RMDN2: variants seen among roughly 807,000 people sequenced by gnomAD.
RMDN2 encodes regulator of microtubule dynamics 2.
Under a neutral mutation model 52.8 loss-of-function variants are expected in RMDN2, and 61 were observed. That is an observed-to-expected ratio of 1.16 (90% CI 0.94 to 1.43). The LOEUF (loss-of-function observed/expected upper bound fraction) is 1.43. Among genes scored for constraint, RMDN2 ranks in the 40% most tolerant of loss-of-function variants. The pLI is 0.00. For synonymous variants in RMDN2, 180 were observed against 153.1 expected, an observed-to-expected ratio of 1.18 and a Z score of -1.30; for missense variants, 592 against 475.3, an observed-to-expected ratio of 1.25 and a Z score of -2.28.
At chr2:38,002,608 A>G (rs1676470263) in intron 8 of RMDN2, among the ~76,000 whole-genome samples, 2 of 152,198 alleles carry the variant, frequency 1.3e-5, no homozygotes, top group African/African-American at 4.8e-5. Flanking sequence ...ATATATGTAA[A>G]ATGGTTCCAT....
At chr2:37,953,354 C>A (rs1450947159) in intron 2 of RMDN2, among the ~76,000 whole-genome samples, 1 of 152,018 alleles carries the variant, frequency 6.6e-6, no homozygotes, top group South Asian at 2.1e-4. Context: ...TCTCTACTCT[C>A]TCTCCCTAGC....
At position 37,996,048 on chromosome 2, in the gene RMDN2, C is replaced by G. The variant is rs886364179; in HGVS notation, c.946-1368C>G. 7.9e-5 allele frequency among the ~76,000 whole-genome samples: 12 copies of G among 152,114 alleles called. 1 individual carries two copies. In the South Asian group the frequency reaches 2.3e-3, roughly 29 times the overall value. ...TTGCCTGCCATGTGATCGTGCCTAC[C>G]CTACAGAGACTCACAAATGTGCTCC... On this transcript the variant is annotated intron_variant, in intron 7 of 10. Coordinates refer to ENST00000354545, the MANE Select transcript of RMDN2 (RefSeq NM_001170791.3).
intron 10 of RMDN2, among the ~76,000 whole-genome samples, chr2:38,029,105 A>G (rs975861048): frequency 1.8e-4 from 28 of 152,152 alleles, no homozygotes; most frequent in Non-Finnish European, 7.3e-5. Flanking sequence ...GGCCTACAGT[A>G]TAAAGGCTGA....
chr2:38,065,923 G>A (rs1470073550), intron 10 of RMDN2, among the ~76,000 whole-genome samples: 1 of 152,200 alleles, frequency 6.6e-6, no homozygotes, highest in Admixed American at 6.5e-5. Flanking sequence ...CTGCCTGTCT[G>A]TAGTGTGGAA....
intron 5 of RMDN2, among the ~76,000 whole-genome samples, chr2:37,982,821 A>G (rs1476804666): frequency 1.3e-5 from 2 of 152,294 alleles, no homozygotes; most frequent in East Asian, 3.9e-4. Context: ...AATCTAATTT[A>G]CATAATAACA....
intron 10 of RMDN2, among the ~76,000 whole-genome samples, chr2:38,063,974 TTGTGTGTGTGTATG>T (rs1558597743): frequency 6.6e-6 from 1 of 150,970 alleles, no homozygotes; most frequent in Non-Finnish European, 1.5e-5. Flanking sequence ...TGAATCCTGT[TTGTGTGTGTGTATG>T]TGTGTGTGTG....
At chr2:37,948,446 G>C (rs985782955) in intron 2 of RMDN2, among the ~76,000 whole-genome samples, 2 of 152,130 alleles carry the variant, frequency 1.3e-5, no homozygotes, top group African/African-American at 4.8e-5. Context: ...AAGGAGGAGG[G>C]TTGGGTGGCC....
At chr2:37,959,570 TC>T (rs2125006740) in intron 2 of RMDN2, among the ~76,000 whole-genome samples, 1 of 151,046 alleles carries the variant, frequency 6.6e-6, no homozygotes, top group Non-Finnish European at 1.5e-5. Flanking sequence ...TGGCTAGCGA[TC>T]TATTTTGTTG....
At position 37,962,912 on chromosome 2, in the gene RMDN2, T is replaced by C. The variant is rs76656220; in HGVS notation, c.453-11128T>C. Among the ~76,000 whole-genome samples the C allele has an allele frequency of 9.2e-4, 140 of 152,280 alleles. 2 individuals are homozygous for C. The East Asian group carries it at 0.023, about 25-fold the overall frequency. On this transcript the variant is annotated intron_variant, in intron 2 of 10. Coordinates refer to ENST00000354545, the MANE Select transcript of RMDN2 (RefSeq NM_001170791.3). ...AGCATCTGGGCTAGATAGCACAGTC[T>C]CTCATGGCACAGTCCCTCATGGCTT... is the stretch of plus-strand genomic sequence containing the variant.
chr2:37,935,567 G>A (rs1667216993), intron 2 of RMDN2, among the ~76,000 whole-genome samples: 1 of 152,162 alleles, frequency 6.6e-6, no homozygotes, highest in African/African-American at 2.4e-5. Flanking sequence ...TATAATTGAA[G>A]TACCCTCTCT....
intron 2 of RMDN2, chr2:37,951,272 A>C (rs750276462): frequency 9.3e-6 from 15 of 1,604,840 alleles, no homozygotes; most frequent in Non-Finnish European, 6.8e-6. Context: ...GATGTTCTCC[A>C]GAAGATCAAG....
intron 2 of RMDN2, among the ~76,000 whole-genome samples, chr2:37,966,808 C>G (rs1671115820): frequency 6.6e-6 from 1 of 152,078 alleles, no homozygotes; most frequent in African/African-American, 2.4e-5. Flanking sequence ...TGGTTTCACA[C>G]TTTTTTGCAC....
intron 4 of RMDN2, among the ~76,000 whole-genome samples, chr2:37,976,838 C>CTT (rs891262560): frequency 2.8e-5 from 4 of 144,584 alleles, no homozygotes; most frequent in African/African-American, 1.0e-4. Flanking sequence ...ACATTTTTTT[C>CTT]TTTTTTTTTT....
chr2:37,990,866 T>C (rs1327838537), intron 6 of RMDN2, among the ~76,000 whole-genome samples: 1 of 152,196 alleles, frequency 6.6e-6, no homozygotes, highest in Non-Finnish European at 1.5e-5. Flanking sequence ...TCTGCCATTA[T>C]CCCCTATTCC....
chr2:38,009,094 C>T (rs1393150974), intron 10 of RMDN2, among the ~76,000 whole-genome samples: 3 of 152,202 alleles, frequency 2.0e-5, no homozygotes, highest in Admixed American at 1.3e-4. Context: ...TGATGGGCTT[C>T]CCTTTATGGG....
At chr2:37,951,176 A>T (rs1295772128) in intron 2 of RMDN2, 151 of 1,479,800 alleles carry the variant, frequency 1.0e-4, no homozygotes, top group Middle Eastern at 2.0e-4. Flanking sequence ...GAGGCTTGGC[A>T]GGTCTCCACT....
intron 10 of RMDN2, among the ~76,000 whole-genome samples, chr2:38,007,150 A>G (rs1201887788): frequency 1.3e-5 from 2 of 152,204 alleles, no homozygotes; most frequent in Non-Finnish European, 2.9e-5. Flanking sequence ...CATCAGGGAT[A>G]TTAGTCTAAA....
At chr2:37,941,175 T>C (rs796927499) in intron 2 of RMDN2, among the ~76,000 whole-genome samples, 64 of 152,346 alleles carry the variant, frequency 4.2e-4, no homozygotes, top group African/African-American at 1.5e-3. Flanking sequence ...TGCTGGAGTT[T>C]GCTGGGAGTC....
chr2:37,972,076 G>C (rs1283911176), intron 2 of RMDN2, among the ~76,000 whole-genome samples: 1 of 151,836 alleles, frequency 6.6e-6, no homozygotes, highest in Non-Finnish European at 1.5e-5. Flanking sequence ...TCTTTTGTTA[G>C]ATTTATTCCT....
Sources: allele counts gnomAD v4.1 joint callset (sites outside exome capture counted in the v4.1 genomes callset), GRCh38; gene constraint gnomAD v4.1.1; transcripts MANE v1.5; gene names NCBI Gene and HGNC (gene_info 2026-07-23, HGNC 2026-07-21).